ANKS1B: variants seen among roughly 807,000 people sequenced by gnomAD.
ANKS1B encodes the protein ankyrin repeat and sterile alpha motif domain-containing protein 1B.
A neutral mutation model predicts 148.3 loss-of-function variants in ANKS1B; 36 were observed. The ratio of observed to expected loss-of-function variants is 0.24; its 90% CI spans 0.19 to 0.32. ANKS1B has a LOEUF of 0.32. Ranked by LOEUF, ANKS1B falls within the 10% of genes least tolerant of loss-of-function variation. The pLI is 1.00. For missense variants in ANKS1B, 1,157 were observed against 1,542.6 expected (o/e 0.75, Z 4.19); for synonymous variants, 542 against 560.8 (o/e 0.97, Z 0.47).
intron 8 of ANKS1B, among the ~76,000 whole-genome samples, chr12:99,728,340 A>C (rs1380344376): frequency 1.3e-5 from 2 of 152,260 alleles, no homozygotes; most frequent in African/African-American, 2.4e-5. Context: ...TTCTCAAAAG[A>C]AAACATTTAT....
rs140728461 is a variant in ANKS1B at position 99,497,831 on chromosome 12, TTCTC to T, written c.1438+6641_1438+6644del. Among the ~76,000 whole-genome samples, 1,319 of 149,030 alleles carry T rather than the reference TTCTC, an allele frequency of 8.9e-3. 13 individuals are homozygous for T. Among genetic ancestry groups the T allele is most frequent in the African/African-American group, 0.027 (1,107 of 40,862 alleles). On this transcript the variant is annotated intron_variant, in intron 10 of 26. Coordinates refer to ENST00000683438, the MANE Select transcript of ANKS1B (RefSeq NM_001352186.2). ...CTTGATCACCCCTCAGTCTTTCTCTTTCTCTCTCTCTCTCTCTCCACCCCCACCT... is the reference window on the plus strand; with the variant it reads ...CTTGATCACCCCTCAGTCTTTCTCTTTCTCTCTCTCTCTCCACCCCCACCT...
chr12:98,772,095 G>A (rs945260289), intron 25 of ANKS1B, among the ~76,000 whole-genome samples: 1 of 152,162 alleles, frequency 6.6e-6, no homozygotes, highest in African/African-American at 2.4e-5. Context: ...TTGAATGGAA[G>A]AATGAAAATA....
chr12:99,149,859 T>C (rs1408832750), intron 15 of ANKS1B, among the ~76,000 whole-genome samples: 1 of 152,144 alleles, frequency 6.6e-6, no homozygotes, highest in Non-Finnish European at 1.5e-5. Context: ...TAAATACATA[T>C]GTTGAGCGAT....
At chr12:99,475,179 G>A (rs2096297889) in intron 10 of ANKS1B, among the ~76,000 whole-genome samples, 2 of 149,874 alleles carry the variant, frequency 1.3e-5, no homozygotes, top group African/African-American at 4.9e-5. Context: ...AGGAAACAGA[G>A]GTTTGCAGTG....
chr12:98,863,219 T>A (rs2152233696), intron 17 of ANKS1B, among the ~76,000 whole-genome samples: 1 of 152,338 alleles, frequency 6.6e-6, no homozygotes, highest in South Asian at 2.1e-4. Context: ...TAATGGTAAG[T>A]GTTTATTAAC....
intron 12 of ANKS1B, among the ~76,000 whole-genome samples, chr12:99,322,628 T>C (rs1000785449): frequency 2.9e-4 from 44 of 152,212 alleles, no homozygotes; most frequent in African/African-American, 1.0e-3. Context: ...CGCTATTCCA[T>C]GCTATGAGAA....
intron 17 of ANKS1B, among the ~76,000 whole-genome samples, chr12:98,935,870 T>C (rs1470579679): frequency 6.6e-6 from 1 of 152,206 alleles, no homozygotes; most frequent in Non-Finnish European, 1.5e-5. Context: ...GTGAAATATA[T>C]GTATACTAAC....
intron 17 of ANKS1B, among the ~76,000 whole-genome samples, chr12:98,881,106 A>T (rs563467237): frequency 6.6e-6 from 1 of 152,216 alleles, no homozygotes; most frequent in African/African-American, 2.4e-5. Context: ...AATAGTATGG[A>T]AAGTGGAGAA....
At chr12:99,627,414 T>G (rs914575421) in intron 9 of ANKS1B, among the ~76,000 whole-genome samples, 1 of 152,192 alleles carries the variant, frequency 6.6e-6, no homozygotes, top group African/African-American at 2.4e-5. Context: ...ATCAGTTCAT[T>G]TAATCCTCAC....
intron 12 of ANKS1B, among the ~76,000 whole-genome samples, chr12:99,382,015 A>C (rs900707587): frequency 1.3e-5 from 2 of 152,206 alleles, no homozygotes; most frequent in African/African-American, 4.8e-5. Flanking sequence ...TGTTGGTAGA[A>C]ATTTTCTGCA....
intron 11 of ANKS1B, among the ~76,000 whole-genome samples, chr12:99,405,970 ATCAAGAAGATGATATCATAATT>A (rs2094522332): frequency 1.4e-5 from 2 of 145,882 alleles, no homozygotes; most frequent in Middle Eastern, 3.4e-3. Flanking sequence ...AAGGGTGAAA[ATCAAGAAGATGATATCATAATT>A]TCAAATATAT....
chr12:98,871,347 A>G (rs904323249), intron 17 of ANKS1B, among the ~76,000 whole-genome samples: 1 of 152,242 alleles, frequency 6.6e-6, no homozygotes, highest in Non-Finnish European at 1.5e-5. Context: ...ACTGTCTTAC[A>G]TATTAATTCA....
At chr12:99,242,307 A>G (rs1330968866) in intron 14 of ANKS1B, among the ~76,000 whole-genome samples, 3 of 152,216 alleles carry the variant, frequency 2.0e-5, no homozygotes, top group Non-Finnish European at 4.4e-5. Context: ...CTACAAAGAG[A>G]ATAAAATACC....
intron 12 of ANKS1B, among the ~76,000 whole-genome samples, chr12:99,380,929 C>G (rs2093619848): frequency 6.6e-6 from 1 of 152,028 alleles, no homozygotes; most frequent in South Asian, 2.1e-4. Context: ...ACAATAAAAA[C>G]AAAACCAATT....
intron 14 of ANKS1B, among the ~76,000 whole-genome samples, chr12:99,159,209 G>A (rs2076386015): frequency 6.6e-6 from 1 of 152,116 alleles, no homozygotes; most frequent in African/African-American, 2.4e-5. Context: ...CCCCCAAGAG[G>A]TTGACTTATT....
At chr12:99,059,137 A>G (rs2041466722) in intron 16 of ANKS1B, among the ~76,000 whole-genome samples, 1 of 152,132 alleles carries the variant, frequency 6.6e-6, no homozygotes, top group Non-Finnish European at 1.5e-5. Context: ...ATCTTCTGCT[A>G]TATTTCTGTA....
chr12:98,900,504 T>A (rs931625352), intron 17 of ANKS1B, among the ~76,000 whole-genome samples: 8 of 152,180 alleles, frequency 5.3e-5, no homozygotes, highest in Non-Finnish European at 1.2e-4. Flanking sequence ...GCTGGAAATA[T>A]CTCAGATGAG....
chr12:99,423,191 T>C (rs1461684448), intron 11 of ANKS1B, among the ~76,000 whole-genome samples: 2 of 151,928 alleles, frequency 1.3e-5, no homozygotes, highest in African/African-American at 2.4e-5. Context: ...CCAGAAGAGA[T>C]TGAGAACTAT....
intron 5 of ANKS1B, 43 bp downstream of exon 5, chr12:99,781,979 G>A (rs768978526): frequency 2.0e-4 from 304 of 1,494,340 alleles, no homozygotes; most frequent in Non-Finnish European, 2.7e-4. Context: ...AAATAGAAAT[G>A]TTATCTGTCA....
Sources: allele counts gnomAD v4.1 joint callset (sites outside exome capture counted in the v4.1 genomes callset), GRCh38; gene constraint gnomAD v4.1.1; transcripts MANE v1.5; gene names NCBI Gene and HGNC (gene_info 2026-07-23, HGNC 2026-07-21).